The following AGBL1 variants were observed in gnomAD, a reference collection of about 807,000 sequenced individuals.
The protein encoded by AGBL1 is cytosolic carboxypeptidase 4.
Under a neutral mutation model 118.9 loss-of-function variants are expected in AGBL1, and 130 were observed. That is an observed-to-expected ratio of 1.09 (90% CI 0.95 to 1.26). The LOEUF (loss-of-function observed/expected upper bound fraction) is 1.26. AGBL1 is among the 50% of genes most tolerant of loss of function. The pLI, the probability that AGBL1 is intolerant of heterozygous loss-of-function variation, is 0.00. For missense variants in AGBL1, 1,584 were observed against 1,298.1 expected (o/e 1.22, Z -3.38); for synonymous variants, 555 against 478.9 (o/e 1.16, Z -2.08).
intron 23 of AGBL1, among the ~76,000 whole-genome samples, chr15:86,954,188 C>T (rs1350347533): frequency 6.6e-6 from 1 of 152,176 alleles, no homozygotes. Context: ...CACTTATAAA[C>T]TGTTGGTAAG....
At chr15:86,191,847 A>G (rs902213331) in intron 5 of AGBL1, among the ~76,000 whole-genome samples, 8 of 151,710 alleles carry the variant, frequency 5.3e-5, no homozygotes, top group Admixed American at 5.3e-4. Flanking sequence ...AGGCCAAGGC[A>G]GGAAGATTGA....
intron 19 of AGBL1, among the ~76,000 whole-genome samples, chr15:86,525,747 A>G (rs1432175892): frequency 6.6e-6 from 1 of 152,234 alleles, no homozygotes; most frequent in East Asian, 1.9e-4. Context: ...CTAAGATCTG[A>G]GTCTGTAAAA....
At chr15:86,927,394 G>C (rs1056636246) in intron 23 of AGBL1, among the ~76,000 whole-genome samples, 2 of 149,152 alleles carry the variant, frequency 1.3e-5, no homozygotes, top group African/African-American at 5.0e-5. Flanking sequence ...TTTGACACCA[G>C]CCTGGGCAAT....
intron 5 of AGBL1, among the ~76,000 whole-genome samples, chr15:86,219,945 CTTTTTTTTT>C (rs68023928): frequency 2.3e-5 from 2 of 85,778 alleles, no homozygotes; most frequent in Non-Finnish European, 4.3e-5. Context: ...AATGCTGCCT[CTTTTTTTTT>C]TTTTTTTTTT....
At chr15:86,282,836 G>A (rs530763216) in intron 16 of AGBL1, among the ~76,000 whole-genome samples, 13 of 152,258 alleles carry the variant, frequency 8.5e-5, no homozygotes, top group African/African-American at 3.1e-4. Flanking sequence ...GTTTCCATGT[G>A]GAATTCATAA....
intron 16 of AGBL1, 143 bp from the exon 17 acceptor site, chr15:86,295,112 T>A (rs998248048): frequency 2.1e-6 from 2 of 934,140 alleles, no homozygotes; most frequent in Non-Finnish European, 3.2e-6. Context: ...TAGCCCCCTT[T>A]TAATCACTCA....
At chr15:86,429,346 C>A (rs2081905895) in intron 18 of AGBL1, among the ~76,000 whole-genome samples, 1 of 152,148 alleles carries the variant, frequency 6.6e-6, no homozygotes, top group Non-Finnish European at 1.5e-5. Context: ...GCATTGAGAC[C>A]AAGAAAATTC....
At chr15:86,583,834 A>G (rs28846990) in intron 21 of AGBL1, among the ~76,000 whole-genome samples, 3,563 of 152,260 alleles carry the variant, frequency 0.023, 129 homozygotes, top group African/African-American at 0.082. Flanking sequence ...CCATTTCTCC[A>G]CAGCCTCATC....
intron 22 of AGBL1, among the ~76,000 whole-genome samples, chr15:86,885,177 G>C (rs1022461196): frequency 6.6e-6 from 1 of 151,968 alleles, no homozygotes; most frequent in East Asian, 1.9e-4. Flanking sequence ...TCATGGTTTT[G>C]TTAAGTATAT....
At chr15:86,894,444 T>A (rs1273244389) in intron 22 of AGBL1, among the ~76,000 whole-genome samples, 1 of 152,142 alleles carries the variant, frequency 6.6e-6, no homozygotes, top group African/African-American at 2.4e-5. Context: ...TGCATGACGT[T>A]GGAGCTTTAT....
intron 13 of AGBL1, among the ~76,000 whole-genome samples, chr15:86,268,435 A>G (rs1221222747): frequency 2.6e-5 from 4 of 152,176 alleles, no homozygotes; most frequent in African/African-American, 9.7e-5. Flanking sequence ...AGACCTGATT[A>G]TGAGTCTCCT....
downstream of AGBL1, among the ~76,000 whole-genome samples, chr15:86,919,676 A>C (rs1401123582): frequency 1.3e-5 from 2 of 151,916 alleles, no homozygotes; most frequent in African/African-American, 4.8e-5. Flanking sequence ...CAAGGACACT[A>C]ATTTGGTGCC....
At chr15:87,027,050 G>A (rs2081735391) in intron 24 of AGBL1, among the ~76,000 whole-genome samples, 1 of 151,980 alleles carries the variant, frequency 6.6e-6, no homozygotes, top group African/African-American at 2.4e-5. Context: ...CTGCTTGGGT[G>A]ATGGGTGCAC....
chr15:86,643,063 T>G (rs2085219254), intron 21 of AGBL1, among the ~76,000 whole-genome samples: 1 of 152,266 alleles, frequency 6.6e-6, no homozygotes, highest in Admixed American at 6.5e-5. Context: ...GGTGGCAAAC[T>G]TTTTAGGCTG....
chr15:86,354,312 T>C (rs1175744748), intron 17 of AGBL1, among the ~76,000 whole-genome samples: 1 of 152,226 alleles, frequency 6.6e-6, no homozygotes, highest in Non-Finnish European at 1.5e-5. Flanking sequence ...AGGCATTCGA[T>C]GGTTCATGGT....
chr15:86,771,649 G>A (rs148951612), intron 22 of AGBL1, among the ~76,000 whole-genome samples: 63 of 152,072 alleles, frequency 4.1e-4, no homozygotes, highest in African/African-American at 1.4e-3. Flanking sequence ...TCGGTAAATA[G>A]AAACTGCACT....
intron 24 of AGBL1, among the ~76,000 whole-genome samples, chr15:86,992,064 G>T (rs1567276075): frequency 6.6e-6 from 1 of 152,114 alleles, no homozygotes; most frequent in Non-Finnish European, 1.5e-5. Flanking sequence ...CATGGTGCTG[G>T]CATCTGCTTG....
intron 20 of AGBL1, 95 bp from the exon 21 acceptor site, chr15:86,554,266 A>G (rs1260369430): frequency 3.7e-6 from 4 of 1,073,368 alleles, no homozygotes; most frequent in East Asian, 5.5e-5. Flanking sequence ...AGTATTTTAT[A>G]TATAGATGCT....
chr15:86,790,926 T>A (rs1232877954), intron 22 of AGBL1, among the ~76,000 whole-genome samples: 4 of 151,586 alleles, frequency 2.6e-5, no homozygotes, highest in African/African-American at 4.9e-5. Context: ...AATAATAAGT[T>A]GTAAAATCTA....
Sources: gnomAD v4.1 joint callset for allele counts (sites outside exome capture counted in the v4.1 genomes callset) on GRCh38, gnomAD v4.1.1 for gene constraint, MANE v1.5 for transcripts, NCBI Gene and HGNC (gene_info 2026-07-23, HGNC 2026-07-21) for gene names.